Variants in SEMA4B observed in about 807,000 individuals in gnomAD.
SEMA4B encodes the protein semaphorin 4B.
In SEMA4B, 55 loss-of-function variants were observed where a neutral mutation model predicts 88.1. The observed-to-expected ratio is 0.62, with a 90% CI of 0.50 to 0.78. The LOEUF is 0.78. Ranked by LOEUF, SEMA4B falls within the 30% of genes least tolerant of loss-of-function variation. SEMA4B has a pLI of 0.00. For missense variants in SEMA4B, 1,062 were observed against 1,111.9 expected (o/e 0.96, Z 0.64); for synonymous variants, 525 against 473.6 (o/e 1.11, Z -1.41).
intron 13 of SEMA4B, 103 bp downstream of exon 13, chr15:90,227,745 C>T: frequency 6.9e-7 from 1 of 1,455,528 alleles, no homozygotes; most frequent in Non-Finnish European, 9.4e-7. Flanking sequence ...CACTTCCTTG[C>T]CCCCTACCCC....
At chr15:90,206,744 A>C in intron 1 of SEMA4B, 1 of 766,642 alleles carries the variant, frequency 1.3e-6, no homozygotes, top group Non-Finnish European at 2.3e-6. Flanking sequence ...CGGTGATGAG[A>C]CTGTGTATGT....
chr15:90,201,682 T>C lies in SEMA4B; in HGVS notation c.104T>C (p.Leu35Pro). ...LLLLLLLLLL[L>P]QPPPPTWALS... ...CTGCTCCTGCTGCTGCTGCTCCTGC[T>C]GCAGCCGCCGCCTCCGACCTGGGCG... The change falls in exon 1 of 14, where the codon CTG (leucine) becomes CCG (proline). Residue 35 changes from leucine (L) to proline (P), a missense_variant. By Grantham distance (98) the Leu-to-Pro change is moderately conservative. Coordinates refer to ENST00000411539, the MANE Select transcript of SEMA4B (RefSeq NM_198925.4). 6.6e-7 allele frequency: 1 copy of C among 1,512,634 alleles called. No individual in the cohort carries two copies. The highest frequency in any genetic ancestry group is 8.8e-7 in the Non-Finnish European group (1 of 1,137,450). 93.7% of individuals were successfully genotyped at this position (1,512,634 alleles called of 1,614,324 possible). A position where few individuals can be genotyped will look rare whatever the true frequency, so the allele number is the denominator to read the frequency against.
intron 9 of SEMA4B, 146 bp from the exon 10 acceptor site, chr15:90,224,822 A>G: frequency 1.4e-6 from 1 of 693,420 alleles, no homozygotes; most frequent in Non-Finnish European, 2.6e-6. Flanking sequence ...AGATGTGCAC[A>G]CTGGCTCTGT....
chr15:90,219,473 G>T (rs79055679), intron 3 of SEMA4B: 42,335 of 255,088 alleles, frequency 0.17, 5,379 homozygotes, highest in East Asian at 0.61. Context: ...GTTGGGAGGG[G>T]CCTGTGGCTT....
chr15:90,186,761 G>A (rs1228953631), intron 1 of SEMA4B, among the ~76,000 whole-genome samples: 3 of 151,988 alleles, frequency 2.0e-5, no homozygotes, highest in Admixed American at 6.6e-5. Context: ...GTGAAACCCC[G>A]TCTCTACTAA....
intron 3 of SEMA4B, 28 bp downstream of exon 3, chr15:90,217,857 G>A (rs1269412507): frequency 1.3e-6 from 2 of 1,594,518 alleles, no homozygotes; most frequent in East Asian, 2.3e-5. Flanking sequence ...AGGGAGCTGA[G>A]CTGCAGGAGG....
intron 1 of SEMA4B, chr15:90,217,153 C>A: frequency 3.5e-6 from 1 of 286,780 alleles, no homozygotes; most frequent in South Asian, 9.0e-5. Context: ...TGACAAGGTC[C>A]CCTCTGGTTG....
upstream of SEMA4B, among the ~76,000 whole-genome samples, chr15:90,197,581 G>A: frequency 6.6e-6 from 1 of 151,678 alleles, no homozygotes; most frequent in Non-Finnish European, 1.5e-5. Flanking sequence ...GGGACTACAG[G>A]CGCCCGCCAC....
intron 1 of SEMA4B, among the ~76,000 whole-genome samples, chr15:90,208,497 G>T (rs934641664): frequency 6.6e-6 from 1 of 152,106 alleles, no homozygotes; most frequent in Non-Finnish European, 1.5e-5. Context: ...GATTATTGAT[G>T]GTCACTGACC....
chr15:90,215,426 A>G (rs1181766235), intron 1 of SEMA4B, among the ~76,000 whole-genome samples: 1 of 152,188 alleles, frequency 6.6e-6, no homozygotes, highest in African/African-American at 2.4e-5. Flanking sequence ...GAATTTGACC[A>G]TACATACTAA....
At chr15:90,209,493 C>G (rs1338310796) in intron 1 of SEMA4B, among the ~76,000 whole-genome samples, 1 of 152,028 alleles carries the variant, frequency 6.6e-6, no homozygotes, top group Non-Finnish European at 1.5e-5. Flanking sequence ...ATCGCTTGAA[C>G]CCAAGGTTCA....
intron 1 of SEMA4B, among the ~76,000 whole-genome samples, chr15:90,186,284 C>A (rs1034395533): frequency 6.6e-6 from 1 of 152,070 alleles, no homozygotes; most frequent in Non-Finnish European, 1.5e-5. Context: ...GATATGTCTC[C>A]TTGCACCTGG....
chr15:90,228,674 T>C lies in SEMA4B; in HGVS notation c.*31T>C. 1 of 1,611,998 alleles carries C rather than the reference T, an allele frequency of 6.2e-7. No homozygotes were observed. The highest frequency in any genetic ancestry group is 8.5e-7 in the Non-Finnish European group (1 of 1,179,554). Reference sequence around the variant, plus strand: ...GACTTCCAGAGGACGCTGCCCTGGCTTCAGGGGCTGTGAATGCTCGGAGAG... The same window carrying C: ...GACTTCCAGAGGACGCTGCCCTGGCCTCAGGGGCTGTGAATGCTCGGAGAG... On this transcript the variant is annotated 3_prime_UTR_variant, in exon 14 of 14. Transcript: ENST00000411539.
rs1961324772 is a variant in SEMA4B at position 90,212,614 on chromosome 15, CA to C, written c.158-4823del. On this transcript the variant is annotated intron_variant, in intron 1 of 13. Coordinates refer to ENST00000411539, the MANE Select transcript of SEMA4B (RefSeq NM_198925.4). The surrounding 1 kb of genome is among the most constrained non-coding windows in gnomAD (Gnocchi z 4.0). ...CAAAGAGCACCTAGGAGTGAGTGCG[CA>C]AGCGTGGACAAGCCCTGCGGTACCG... 6.6e-6 allele frequency among the ~76,000 whole-genome samples: 1 copy of C among 151,142 alleles called. No homozygotes were observed. Among genetic ancestry groups the C allele is most frequent in the Non-Finnish European group, 1.5e-5 (1 of 67,886 alleles).
chr15:90,223,297 T>C (rs1961958851), intron 7 of SEMA4B, among the ~76,000 whole-genome samples: 2 of 152,194 alleles, frequency 1.3e-5, no homozygotes, highest in Admixed American at 6.5e-5. Context: ...CATTAGGCTA[T>C]ATTGGGGTCC....
At chr15:90,225,550 T>A in intron 11 of SEMA4B, 111 bp from the exon 12 acceptor site, 1 of 1,349,306 alleles carries the variant, frequency 7.4e-7, no homozygotes, top group Non-Finnish European at 1.0e-6. Context: ...GGTCGCCTGT[T>A]ACGTAACAGG....
intron 1 of SEMA4B, chr15:90,206,783 C>T: frequency 1.3e-6 from 1 of 749,656 alleles, no homozygotes; most frequent in Admixed American, 1.8e-5. Context: ...TTGTGCTGAG[C>T]ACCAAATCAA....
chr15:90,211,074 C>T (rs1434123146), intron 1 of SEMA4B, among the ~76,000 whole-genome samples: 1 of 152,144 alleles, frequency 6.6e-6, no homozygotes, highest in Non-Finnish European at 1.5e-5. Context: ...GAAGTGGAGA[C>T]ATCTATAAAA....
At chr15:90,209,438 G>A (rs1961151470) in intron 1 of SEMA4B, among the ~76,000 whole-genome samples, 1 of 152,130 alleles carries the variant, frequency 6.6e-6, no homozygotes, top group Non-Finnish European at 1.5e-5. Context: ...GATGGCGGGT[G>A]CCTGTAATTC....
Sources: allele counts gnomAD v4.1 joint callset (sites outside exome capture counted in the v4.1 genomes callset), GRCh38; gene constraint gnomAD v4.1.1; non-coding constraint Gnocchi (gnomAD v3.1); transcripts MANE v1.5; gene names NCBI Gene and HGNC (gene_info 2026-07-23, HGNC 2026-07-21).